The following SNAPC1 variants were observed in gnomAD, a reference collection of about 807,000 sequenced individuals.
SNAPC1 encodes small nuclear RNA activating complex polypeptide 1, also known as snRNA-activating protein complex subunit 1.
Under a neutral mutation model 50.1 loss-of-function variants are expected in SNAPC1, and 42 were observed. That is an observed-to-expected ratio of 0.84 (90% CI 0.65 to 1.08). The LOEUF (loss-of-function observed/expected upper bound fraction) is 1.08, where lower values mean the gene tolerates loss of function less well. SNAPC1 is among the 50% of genes least tolerant of loss of function. The pLI is 0.00. For missense variants in SNAPC1, 477 were observed against 427.3 expected (o/e 1.12, Z -1.02); for synonymous variants, 164 against 144.2 (o/e 1.14, Z -0.98).
intron 8 of SNAPC1, among the ~76,000 whole-genome samples, chr14:61,786,123 C>T (rs1254577815): frequency 6.6e-6 from 1 of 152,072 alleles, no homozygotes; most frequent in Non-Finnish European, 1.5e-5. Context: ...ACCAATATCC[C>T]TTATCTTATC....
chr14:61,777,940 T>C (rs1195967410), intron 5 of SNAPC1, 132 bp from the exon 6 acceptor site: 7 of 538,598 alleles, frequency 1.3e-5, no homozygotes, highest in Non-Finnish European at 2.3e-5. Flanking sequence ...TTAGGTGGTA[T>C]ATAATGTGAA....
At chr14:61,784,288 G>A (rs1026397579) in intron 8 of SNAPC1, among the ~76,000 whole-genome samples, 1 of 152,148 alleles carries the variant, frequency 6.6e-6, no homozygotes, top group Admixed American at 6.6e-5. Flanking sequence ...TAAGTCACAT[G>A]TATCAAAAAT....
At chr14:61,794,103 G>A (rs1347351920) in intron 9 of SNAPC1, among the ~76,000 whole-genome samples, 1 of 152,156 alleles carries the variant, frequency 6.6e-6, no homozygotes, top group Non-Finnish European at 1.5e-5. Flanking sequence ...ATCTCCTGTG[G>A]TAGCCAGAAT....
chr14:61,763,822 T>A (rs973913124), intron 1 of SNAPC1, among the ~76,000 whole-genome samples: 22 of 152,220 alleles, frequency 1.4e-4, no homozygotes, highest in African/African-American at 5.3e-4. Context: ...GGCAAGTTAC[T>A]TGAGTTTCCA....
At chr14:61,773,749 G>GA (rs2045013044) in intron 4 of SNAPC1, among the ~76,000 whole-genome samples, 2 of 145,924 alleles carry the variant, frequency 1.4e-5, no homozygotes, top group Non-Finnish European at 3.0e-5. Context: ...GCCCAGGCTG[G>GA]AATGCAGTGG....
At chr14:61,783,692 T>C (rs7141043) in intron 8 of SNAPC1, among the ~76,000 whole-genome samples, 32,832 of 151,694 alleles carry the variant, frequency 0.22, 3,835 homozygotes, top group African/African-American at 0.3. Context: ...CCCACCACCA[T>C]GCCTGGGTAA....
In SNAPC1 at chr14:61,774,648, A is replaced by ATTTCTTTTTTTTTTTTT. The variant is rs1172798543; in HGVS notation, c.535-1444_535-1443insCTTTTTTTTTTTTTTTT. Among the ~76,000 whole-genome samples, 8 of 90,968 alleles carry ATTTCTTTTTTTTTTTTT rather than the reference A, an allele frequency of 8.8e-5. 2 individuals carry two copies. Among genetic ancestry groups the ATTTCTTTTTTTTTTTTT allele is most frequent in the African/African-American group, 1.2e-4 (3 of 24,224 alleles). 59.7% of individuals were successfully genotyped at this position (90,968 alleles called of 152,430 possible). On this transcript the variant is annotated intron_variant, in intron 4 of 9. Transcript: ENST00000216294. The stretch of plus-strand genomic sequence containing the variant: ...ACTCACCACTATTGATCAGTTTCTC[A>ATTTCTTTTTTTTTTTTT]TTTTTTTTTTTTTTTTTTTTTTTTT...
intron 1 of SNAPC1, among the ~76,000 whole-genome samples, chr14:61,765,506 A>G (rs539539480): frequency 1.3e-5 from 2 of 152,356 alleles, no homozygotes; most frequent in African/African-American, 2.4e-5. Context: ...AAGCAAAGGC[A>G]GGAAGACTGG....
At chr14:61,762,840 C>G (rs1232397637) in intron 1 of SNAPC1, among the ~76,000 whole-genome samples, 2 of 152,048 alleles carry the variant, frequency 1.3e-5, no homozygotes, top group East Asian at 1.9e-4. Context: ...CTAAACTCCT[C>G]TCTCCCATCT....
rs549046851 is a variant in SNAPC1, at chr14:61,762,939, C to T, written c.128+351C>T. ...AAAACACACAAGCAAAGACAAAACC[C>T]TTCAAGATTGAATTAATTTTTCCTC... On this transcript the variant is annotated intron_variant, in intron 1 of 9. Coordinates refer to ENST00000216294, the MANE Select transcript of SNAPC1 (RefSeq NM_003082.4). 2.0e-5 allele frequency among the ~76,000 whole-genome samples: 3 copies of T among 148,952 alleles called. No individual in the cohort carries two copies. In the South Asian group the frequency reaches 6.4e-4, roughly 32 times the overall value.
intron 4 of SNAPC1, among the ~76,000 whole-genome samples, chr14:61,770,042 G>C (rs373016244): frequency 1.3e-5 from 2 of 151,990 alleles, no homozygotes; most frequent in African/African-American, 2.4e-5. Flanking sequence ...TATTTCATTC[G>C]GTTGTTCTGC....
intron 4 of SNAPC1, among the ~76,000 whole-genome samples, chr14:61,769,750 C>G (rs2044974579): frequency 6.6e-6 from 1 of 152,062 alleles, no homozygotes; most frequent in Non-Finnish European, 1.5e-5. Context: ...AACAGTGAGT[C>G]TATTTTGATA....
chr14:61,768,805 G>C (rs1009069745), intron 4 of SNAPC1, 65 bp downstream of exon 4: 15 of 784,042 alleles, frequency 1.9e-5, no homozygotes, highest in Admixed American at 4.2e-5. Flanking sequence ...ACATATTGAG[G>C]TTATACCTTC....
intron 8 of SNAPC1, among the ~76,000 whole-genome samples, chr14:61,783,095 T>C (rs572103603): frequency 4.7e-4 from 68 of 146,060 alleles, no homozygotes; most frequent in Non-Finnish European, 9.0e-4. Flanking sequence ...CGATCTTGGC[T>C]CACTGCAACC....
intron 8 of SNAPC1, among the ~76,000 whole-genome samples, chr14:61,787,393 A>G (rs1456483961): frequency 2.5e-5 from 1 of 40,064 alleles, no homozygotes. Flanking sequence ...GTAGATTAAA[A>G]TGTTTTTTTT....
intron 8 of SNAPC1, among the ~76,000 whole-genome samples, chr14:61,792,396 A>T (rs968408182): frequency 6.6e-6 from 1 of 152,250 alleles, no homozygotes; most frequent in Non-Finnish European, 1.5e-5. Flanking sequence ...GAGAAAAGAA[A>T]GTATGTTCAC....
chr14:61,764,243 A>T (rs995287309), intron 1 of SNAPC1, among the ~76,000 whole-genome samples: 5 of 152,246 alleles, frequency 3.3e-5, no homozygotes, highest in Non-Finnish European at 4.4e-5. Context: ...TTTTATTACC[A>T]TAGTACATAT....
intron 8 of SNAPC1, among the ~76,000 whole-genome samples, chr14:61,789,552 C>G (rs925067554): frequency 6.6e-6 from 1 of 151,850 alleles, no homozygotes; most frequent in African/African-American, 2.4e-5. Flanking sequence ...CAGTAGAAAT[C>G]CAAAGACCTT....
chr14:61,789,172 A>C (rs2045135006), intron 8 of SNAPC1, among the ~76,000 whole-genome samples: 1 of 150,344 alleles, frequency 6.7e-6, no homozygotes, highest in South Asian at 2.1e-4. Context: ...CGGAGGTTGC[A>C]GTGAGCCAAG....
Sources: gnomAD v4.1 joint callset for allele counts (sites outside exome capture counted in the v4.1 genomes callset) on GRCh38, gnomAD v4.1.1 for gene constraint, MANE v1.5 for transcripts, NCBI Gene and HGNC (gene_info 2026-07-23, HGNC 2026-07-21) for gene names.